The following FAT2 variants were observed in gnomAD, a reference collection of about 807,000 sequenced individuals.
FAT2 encodes FAT atypical cadherin 2, also known as protocadherin Fat 2.
In FAT2, 150 loss-of-function variants were observed where a neutral mutation model predicts 295.3. That is an observed-to-expected ratio of 0.51 (90% CI 0.44 to 0.58). The LOEUF is 0.58. Ranked by LOEUF, FAT2 falls within the 20% of genes least tolerant of loss-of-function variation. The pLI is 0.00. For synonymous variants in FAT2, 2,026 were observed against 2,150.3 expected (o/e 0.94, Z 1.60); for missense variants, 4,868 against 5,442.7 (o/e 0.89, Z 3.32).
chr5:151,568,670 CA>C lies in FAT2; in HGVS notation c.261del (p.Tyr87Ter). 2 of 1,614,216 alleles carry C rather than the reference CA, an allele frequency of 1.2e-6. No individual in the cohort carries two copies. Among genetic ancestry groups the C allele is most frequent in the Non-Finnish European group, 1.7e-6 (2 of 1,180,052 alleles). ...DVANVFKTEE[Y>X]VVGNFCFLRI... ...CTTAGGAAGCAGAAGTTGCCCACCACATACTCCTCAGTTTTAAATACATTGG... is the reference window on the plus strand; with the variant it reads ...CTTAGGAAGCAGAAGTTGCCCACCACTACTCCTCAGTTTTAAATACATTGG... On this transcript the variant is annotated frameshift_variant, in exon 2 of 24. Transcript: ENST00000261800. LOFTEE classifies it high-confidence loss of function.
At chr5:151,579,830 C>T (rs1264550752) in intron 1 of FAT2, among the ~76,000 whole-genome samples, 1 of 151,988 alleles carries the variant, frequency 6.6e-6, no homozygotes, top group Non-Finnish European at 1.5e-5. Context: ...ACATTCAGCA[C>T]ATGCATGGCA....
At position 151,553,211 on chromosome 5, in the gene FAT2, C is replaced by A. The variant is rs776913406; in HGVS notation, c.4122G>T (p.Glu1374Asp). ...TGAACCAGAAGAGTCCGGGTCTGCC[C>A]TCTACGCTGATGACCCCCACCATGT... Reference protein sequence around the residue: ...VNHMVGVISVEGRPGLFWFNI... With the variant: ...VNHMVGVISVDGRPGLFWFNI... The change falls in exon 6 of 24, where the codon GAG (glutamate) becomes GAT (aspartate). Residue 1374 changes from glutamate (E) to aspartate (D), a missense_variant. Glu to Asp is a conservative substitution (Grantham distance 45). Around this residue, in one of 5 missense-constraint regions of FAT2, gnomAD observed 3,297 missense variants for 3,669.4 expected, o/e 0.90. Transcript: ENST00000261800. 9 of 1,614,270 alleles carry A rather than the reference C, an allele frequency of 5.6e-6. No individual in the cohort carries two copies. Among genetic ancestry groups the A allele is most frequent in the Non-Finnish European group, 7.6e-6 (9 of 1,180,048 alleles).
In FAT2 at chr5:151,540,764, C is replaced by G. The variant is rs1338334944; in HGVS notation, c.8843-1G>C. ...CCAAACTGGCCCAGGGGGTCTCCCT[C>G]TAAACAGATGGGGCAGAGCTTTCAG... On this transcript the variant is annotated splice_acceptor_variant, in intron 10 of 23. Transcript: ENST00000261800. LOFTEE classifies it high-confidence loss of function. 6.2e-7 allele frequency: 1 copy of G among 1,612,104 alleles called. No individual in the cohort carries two copies.
rs1465690 is a variant in FAT2 at position 151,567,405 on chromosome 5, G to A, written c.1527C>T (p.Pro509=). The part of the protein sequence containing the change: ...GPKALPFSID[P]YLGIISTSKP... ...TGGAGGTGGAGATGATCCCCAGGTA[G>A]GGGTCAATAGAAAATGGCAAAGCTT... Residue 509 remains proline (P), a synonymous_variant, in exon 2 of 24, where the codon CCC becomes CCT. Transcript: ENST00000261800. 1,476,464 of 1,614,030 alleles carry A rather than the reference G, an allele frequency of 0.91. 678,460 individuals carry two copies. The highest frequency in any genetic ancestry group is 0.93 in the Non-Finnish European group (1,101,047 of 1,179,986).
At chr5:151,594,441 G>A (rs1183001462), upstream of FAT2, among the ~76,000 whole-genome samples, 1 of 152,228 alleles carries the variant, frequency 6.6e-6, no homozygotes, top group Admixed American at 6.5e-5. Context: ...CAGACTTCCT[G>A]TGGGTAGGAC....
chr5:151,532,511 A>T (rs540980211), intron 13 of FAT2, among the ~76,000 whole-genome samples: 1 of 152,304 alleles, frequency 6.6e-6, no homozygotes, highest in South Asian at 2.1e-4. Context: ...TCCAGTTTTG[A>T]TATTATCCTA....
At chr5:151,532,523 T>C (rs1250761782) in intron 13 of FAT2, among the ~76,000 whole-genome samples, 1 of 152,220 alleles carries the variant, frequency 6.6e-6, no homozygotes, top group African/African-American at 2.4e-5. Flanking sequence ...ATTATCCTAC[T>C]GCTATGTAAG....
intron 7 of FAT2, 140 bp downstream of exon 7, chr5:151,551,327 G>A: frequency 3.5e-6 from 3 of 852,974 alleles, no homozygotes; most frequent in Non-Finnish European, 5.5e-6. Context: ...AGTAGAGAGT[G>A]TATTAGACAA....
chr5:151,536,994 T>C (rs1311516644), intron 12 of FAT2, among the ~76,000 whole-genome samples: 1 of 152,178 alleles, frequency 6.6e-6, no homozygotes, highest in Non-Finnish European at 1.5e-5. Context: ...TTGAGTGCCC[T>C]TTCCCCCACT....
rs770700637 is a variant in FAT2 at position 151,543,979 on chromosome 5, T to C, written c.7148A>G (p.Gln2383Arg). 1 of 1,614,194 alleles carries C rather than the reference T, an allele frequency of 6.2e-7. No homozygotes were observed. Residue 2383 changes from glutamine (Q) to arginine (R), a missense_variant, in exon 10 of 24, where the codon CAA becomes CGA. Gln to Arg is a conservative substitution (Grantham distance 43). Transcript: ENST00000261800. ...CAGTTCACTGACATTGGCTTCATAT[T>C]GAGGTTGTCTGAACTCTGGGGGGTT... ...NDNPPEFRQPQYEANVSELAT... is the reference protein window; with the variant it reads ...NDNPPEFRQPRYEANVSELAT...
intron 12 of FAT2, among the ~76,000 whole-genome samples, chr5:151,534,983 ATATATATATATATG>A (rs1755099531): frequency 7.1e-6 from 1 of 140,858 alleles, no homozygotes; most frequent in Non-Finnish European, 1.6e-5. Context: ...ATATATATAT[ATATATATATATATG>A]TATACATTTT....
At position 151,543,787 on chromosome 5, in the gene FAT2, T is replaced by A. The variant is rs1756380682; in HGVS notation, c.7340A>T (p.Asp2447Val). The change falls in exon 10 of 24, where the codon GAC (aspartate) becomes GTC (valine). Residue 2447 changes from aspartate (D) to valine (V), a missense_variant. By Grantham distance (152) the Asp-to-Val change is radical. Transcript: ENST00000261800. ...ACCTACCCTCAAATTGTAAGAAGAG[T>A]CCAGGTGCTTTTTGCAAAGGTTGAA... ...SMFNLCKKHL[D>V]SSYNLRVGAS... 1 of 1,613,934 alleles carries A rather than the reference T, an allele frequency of 6.2e-7. No homozygotes were observed. The highest frequency in any genetic ancestry group is 8.5e-7 in the Non-Finnish European group (1 of 1,179,976).
chr5:151,566,053 A>G lies in FAT2; in HGVS notation c.2879T>C (p.Val960Ala). The G allele has an allele frequency of 6.2e-7, 1 of 1,613,942 alleles. No individual in the cohort carries two copies. Among genetic ancestry groups the G allele is most frequent in the Non-Finnish European group, 8.5e-7 (1 of 1,179,988 alleles). ...SDPDLGPAGE[V>A]RYVLMDGAHG... ...GGCGCCATCCATCAGAACATATCGC[A>G]CTTCACCTGCGGGGCCCAGGTCAGG... The change falls in exon 2 of 24, where the codon GTG (valine) becomes GCG (alanine). Residue 960 changes from valine to alanine, a missense_variant. Val to Ala is a moderately conservative substitution (Grantham distance 64, BLOSUM62 0). Around this residue, in one of 5 missense-constraint regions of FAT2, gnomAD observed 3,297 missense variants for 3,669.4 expected, o/e 0.90. Coordinates refer to ENST00000261800, the MANE Select transcript of FAT2 (RefSeq NM_001447.3).
chr5:151,544,740 T>G lies in FAT2; in HGVS notation c.6387A>C (p.Lys2129Asn). The change falls in exon 10 of 24, where the codon AAA becomes AAC. Residue 2129 changes from lysine (K) to asparagine (N), a missense_variant. This residue lies in a region of FAT2 where 3,297 missense variants were observed against 3,669.4 expected (regional missense o/e 0.90). Coordinates refer to ENST00000261800, the MANE Select transcript of FAT2 (RefSeq NM_001447.3). Reference protein sequence around the residue: ...DPYLGDISLKKPFDYQALNKY... With the variant: ...DPYLGDISLKNPFDYQALNKY... ...TATTTAAAGCTTGATAATCAAAGGG[T>G]TTCTTGAGTGATATGTCCCCAAGAT... The G allele has an allele frequency of 6.2e-7, 1 of 1,614,120 alleles. No homozygotes were observed.
chr5:151,575,538 T>C (rs1224057975), intron 1 of FAT2, among the ~76,000 whole-genome samples: 3 of 152,210 alleles, frequency 2.0e-5, no homozygotes, highest in Non-Finnish European at 4.4e-5. Flanking sequence ...TGAGGTAAAG[T>C]ACGGCAAATA....
Position 151,521,838 on chromosome 5 carries a change from G to T in FAT2, c.10755C>A (p.Gly3585=). The T allele has an allele frequency of 1.9e-6, 3 of 1,614,198 alleles. No individual in the cohort carries two copies. The highest frequency in any genetic ancestry group is 2.5e-6 in the Non-Finnish European group (3 of 1,180,034). The change falls in exon 19 of 24, where the codon GGC becomes GGA. Residue 3585 remains glycine, a synonymous_variant. Coordinates refer to ENST00000261800, the MANE Select transcript of FAT2 (RefSeq NM_001447.3). Reference sequence around the variant, plus strand: ...GCAGGCCCTGGGCGGCGATAATCTTGCCATCAGGCGCACCCACTGAGAAGT... The same window carrying T: ...GCAGGCCCTGGGCGGCGATAATCTTTCCATCAGGCGCACCCACTGAGAAGT... The part of the protein sequence containing the change: ...GRHFSVGAPD[G]KIIAAQGLPR...
intron 19 of FAT2, 117 bp downstream of exon 19, chr5:151,521,159 G>A: frequency 9.4e-7 from 1 of 1,060,284 alleles, no homozygotes; most frequent in Non-Finnish European, 1.3e-6. Flanking sequence ...GTGGCCTTTG[G>A]GCTTATTAAA....
chr5:151,537,283 A>G (rs1755462728), intron 12 of FAT2, among the ~76,000 whole-genome samples: 1 of 149,500 alleles, frequency 6.7e-6, no homozygotes, highest in African/African-American at 2.5e-5. Flanking sequence ...GTGGTGGAGG[A>G]GGAGGAGGAG....
At chr5:151,542,258 C>T in intron 10 of FAT2, 27 bp downstream of exon 10, 1 of 1,543,578 alleles carries the variant, frequency 6.5e-7, no homozygotes, top group South Asian at 1.3e-5. Flanking sequence ...CATTCCAGAG[C>T]CTGCAGTCCA....
Sources: gnomAD v4.1 joint callset for allele counts (sites outside exome capture counted in the v4.1 genomes callset) on GRCh38, gnomAD v4.1.1 for gene constraint, gnomAD v4.1.1 regional missense constraint, MANE v1.5 for transcripts, NCBI Gene and HGNC (gene_info 2026-07-23, HGNC 2026-07-21) for gene names.